HEG1: variants seen among roughly 807,000 people sequenced by gnomAD.
The protein encoded by HEG1 is protein HEG homolog 1.
Under a neutral mutation model 125.6 loss-of-function variants are expected in HEG1, and 56 were observed. The ratio of observed to expected loss-of-function variants is 0.45; its 90% CI spans 0.36 to 0.56. The LOEUF is 0.56. Ranked by LOEUF, HEG1 falls within the 20% of genes least tolerant of loss-of-function variation. HEG1 has a pLI of 0.00. For synonymous variants in HEG1, 644 were observed against 668.5 expected, an observed-to-expected ratio of 0.96 and a Z score of 0.57; for missense variants, 1,523 against 1,670.0, an observed-to-expected ratio of 0.91 and a Z score of 1.53.
chr3:124,971,150 T>C (rs150901255), intron 16 of HEG1: 1 of 476,238 alleles, frequency 2.1e-6, no homozygotes, highest in Non-Finnish European at 4.2e-6. Context: ...AAAGGCTCCC[T>C]GGGAATAAGA....
At chr3:124,986,827 T>G (rs1936746908) in intron 14 of HEG1, among the ~76,000 whole-genome samples, 1 of 152,124 alleles carries the variant, frequency 6.6e-6, no homozygotes, top group Non-Finnish European at 1.5e-5. Flanking sequence ...AGGACTTGAC[T>G]TTTTCCTAAC....
At chr3:125,036,222 A>G (rs1014720695) in intron 1 of HEG1, among the ~76,000 whole-genome samples, 7 of 150,316 alleles carry the variant, frequency 4.7e-5, no homozygotes, top group African/African-American at 1.2e-4. Context: ...AAAAAAAAAA[A>G]AAAAGAAAAG....
At chr3:125,034,690 C>T (rs141218558) in intron 1 of HEG1, among the ~76,000 whole-genome samples, 1,550 of 152,146 alleles carry the variant, frequency 0.01, 22 homozygotes, top group African/African-American at 0.034. Context: ...GTCCCAGCTA[C>T]TTGGAAGGCT....
intron 1 of HEG1, 50 bp downstream of exon 1, chr3:125,055,521 GCCCA>G (rs1418750876): frequency 8.9e-7 from 1 of 1,118,046 alleles, no homozygotes; most frequent in African/African-American, 1.6e-5. Context: ...CCCGGGGCGC[GCCCA>G]CGCCCCCAGC....
intron 1 of HEG1, among the ~76,000 whole-genome samples, chr3:125,045,274 C>T (rs1218529941): frequency 6.6e-6 from 1 of 152,238 alleles, no homozygotes; most frequent in African/African-American, 2.4e-5. Context: ...CCACAGTTCT[C>T]TCTACCTAGA....
intron 1 of HEG1, among the ~76,000 whole-genome samples, chr3:125,049,366 C>T (rs937117640): frequency 1.3e-5 from 2 of 152,182 alleles, no homozygotes; most frequent in African/African-American, 2.4e-5. Context: ...TCTCATTGCG[C>T]CCTCATGCCG....
chr3:125,041,865 A>T (rs1210099073), intron 1 of HEG1, among the ~76,000 whole-genome samples: 1 of 152,258 alleles, frequency 6.6e-6, no homozygotes, highest in African/African-American at 2.4e-5. Context: ...CAAATATTAC[A>T]TGATTCCACT....
intron 5 of HEG1, among the ~76,000 whole-genome samples, chr3:125,018,813 A>G (rs1040101086): frequency 1.3e-5 from 2 of 151,702 alleles, no homozygotes; most frequent in Non-Finnish European, 2.9e-5. Context: ...AGGGCCTGGG[A>G]AATAAGGAAG....
At chr3:124,978,058 G>A in intron 14 of HEG1, 112 bp from the exon 15 acceptor site, 2 of 702,942 alleles carry the variant, frequency 2.8e-6, no homozygotes, top group Non-Finnish European at 2.4e-6. Flanking sequence ...CTTGAGGGGT[G>A]CCCTCGCCTA....
intron 6 of HEG1, among the ~76,000 whole-genome samples, chr3:125,011,120 T>C (rs1447582960): frequency 6.6e-6 from 1 of 152,084 alleles, no homozygotes; most frequent in African/African-American, 2.4e-5. Flanking sequence ...AGCAGCTATG[T>C]AATATGCTTC....
chr3:125,000,141 T>C (rs1936980727), intron 11 of HEG1, among the ~76,000 whole-genome samples: 2 of 152,128 alleles, frequency 1.3e-5, no homozygotes, highest in South Asian at 4.1e-4. Context: ...TTTCAGCTAA[T>C]ATGCATAGCT....
chr3:125,031,026 A>G (rs1044285646), intron 1 of HEG1, among the ~76,000 whole-genome samples: 3 of 152,242 alleles, frequency 2.0e-5, no homozygotes, highest in African/African-American at 7.2e-5. Flanking sequence ...ATAACACCCA[A>G]GATGGTGGCA....
At chr3:125,046,565 C>T (rs1218146452) in intron 1 of HEG1, among the ~76,000 whole-genome samples, 5 of 152,168 alleles carry the variant, frequency 3.3e-5, no homozygotes, top group African/African-American at 1.2e-4. Flanking sequence ...GCCACTGTGC[C>T]CGACCCAACT....
intron 1 of HEG1, among the ~76,000 whole-genome samples, chr3:125,049,604 A>C (rs564837691): frequency 6.6e-6 from 1 of 152,250 alleles, no homozygotes; most frequent in Non-Finnish European, 1.5e-5. Flanking sequence ...AAAAGCAAAG[A>C]GCTCCTCTCC....
chr3:125,009,608 C>A, intron 8 of HEG1, 97 bp downstream of exon 8: 2 of 1,289,956 alleles, frequency 1.6e-6, no homozygotes, highest in South Asian at 1.6e-5. Context: ...ATACCTTGGA[C>A]AAATACTGAT....
intron 1 of HEG1, among the ~76,000 whole-genome samples, chr3:125,038,300 C>T (rs1342686606): frequency 1.3e-5 from 2 of 152,180 alleles, no homozygotes; most frequent in East Asian, 3.8e-4. Context: ...ATAGGGAGAG[C>T]TTAGGACGCA....
At chr3:124,981,893 T>G (rs1049740058) in intron 14 of HEG1, among the ~76,000 whole-genome samples, 2 of 150,220 alleles carry the variant, frequency 1.3e-5, no homozygotes, top group African/African-American at 4.9e-5. Flanking sequence ...CTTGACATTG[T>G]GTATATATAC....
chr3:124,984,742 A>G lies in HEG1; in HGVS notation c.3733+6045T>C, dbSNP rs150018910. Among the ~76,000 whole-genome samples, 130 of 152,212 alleles carry G rather than the reference A, an allele frequency of 8.5e-4. 1 individual carries two copies. The highest frequency in any genetic ancestry group is 1.3e-3 in the Non-Finnish European group (86 of 67,988). On this transcript the variant is annotated intron_variant, in intron 14 of 16. Coordinates refer to ENST00000311127, the MANE Select transcript of HEG1 (RefSeq NM_020733.2). Reference sequence around the variant, plus strand: ...CTACTGCACTCCAGCCTGGGCAACAAGAGTGAAACTCCGTCTCAAAAAAAA... The same window carrying G: ...CTACTGCACTCCAGCCTGGGCAACAGGAGTGAAACTCCGTCTCAAAAAAAA...
intron 1 of HEG1, among the ~76,000 whole-genome samples, chr3:125,047,313 T>C (rs1043937885): frequency 6.6e-6 from 1 of 152,242 alleles, no homozygotes; most frequent in Non-Finnish European, 1.5e-5. Flanking sequence ...TTGCTAGTAT[T>C]TCTAGAGCTC....
Sources: gnomAD v4.1 joint callset for allele counts (sites outside exome capture counted in the v4.1 genomes callset) on GRCh38, gnomAD v4.1.1 for gene constraint, MANE v1.5 for transcripts, NCBI Gene and HGNC (gene_info 2026-07-23, HGNC 2026-07-21) for gene names.